Variants in DCLK1 observed in about 807,000 individuals in gnomAD.
The protein encoded by DCLK1 is serine/threonine-protein kinase DCLK1.
A neutral mutation model predicts 86.2 loss-of-function variants in DCLK1; 16 were observed. The ratio of observed to expected loss-of-function variants is 0.19; its 90% CI spans 0.13 to 0.28. DCLK1 has a LOEUF of 0.28. Ranked by LOEUF, DCLK1 falls within the 10% of genes least tolerant of loss-of-function variation. The pLI is 1.00. For missense variants in DCLK1, 590 were observed against 940.2 expected, an observed-to-expected ratio of 0.63 and a Z score of 4.87; for synonymous variants, 369 against 370.5, an observed-to-expected ratio of 1.00 and a Z score of 0.05.
At chr13:35,952,135 G>C (rs895535102) in intron 3 of DCLK1, among the ~76,000 whole-genome samples, 2 of 152,004 alleles carry the variant, frequency 1.3e-5, no homozygotes, top group African/African-American at 4.8e-5. Context: ...TAGCCCAAAT[G>C]TATTTTTACT....
rs60440999 is a variant in DCLK1 at position 35,911,127 on chromosome 13, C to CAAAA, written c.823+36227_823+36230dup. ...TGAAACCCCATCTCTACTAAAAATA[C>CAAAA]AAAAAAAAAAAAAAAAACTAGCCAG... On this transcript the variant is annotated intron_variant, in intron 4 of 16. Transcript: ENST00000360631. Among the ~76,000 whole-genome samples, 13 of 122,196 alleles carry CAAAA rather than the reference C, an allele frequency of 1.1e-4. No individual in the cohort carries two copies. The South Asian group carries it at 1.1e-3, about 11-fold the overall frequency. The allele number at this position is 122,196 out of a possible 152,430, so 80.2% of individuals were successfully genotyped here. A position where few individuals can be genotyped will look rare whatever the true frequency, so the allele number is the denominator to read the frequency against.
intron 16 of DCLK1, among the ~76,000 whole-genome samples, chr13:35,790,654 C>T (rs7331873): frequency 0.11 from 16,480 of 152,080 alleles, 1,575 homozygotes; most frequent in African/African-American, 0.25. Context: ...GAAGTCATCA[C>T]TGTATTATAT....
intron 3 of DCLK1, among the ~76,000 whole-genome samples, chr13:36,053,634 T>C (rs571194697): frequency 8.6e-5 from 13 of 151,360 alleles, no homozygotes; most frequent in African/African-American, 3.1e-4. Context: ...ACGATATATA[T>C]ATATATAAAT....
intron 3 of DCLK1, among the ~76,000 whole-genome samples, chr13:35,948,422 C>A (rs1877497775): frequency 6.6e-6 from 1 of 152,156 alleles, no homozygotes; most frequent in African/African-American, 2.4e-5. Context: ...AGACAAGCCT[C>A]TCTGGAGTGC....
intron 5 of DCLK1, among the ~76,000 whole-genome samples, chr13:35,858,155 G>A (rs1330638391): frequency 1.3e-5 from 2 of 152,144 alleles, no homozygotes; most frequent in African/African-American, 4.8e-5. Flanking sequence ...AGGTAGGAGA[G>A]AGTGGGGCAC....
At chr13:36,028,089 TGATGTTTTAGAA>T (rs1438359764) in intron 3 of DCLK1, among the ~76,000 whole-genome samples, 1 of 152,184 alleles carries the variant, frequency 6.6e-6, no homozygotes, top group East Asian at 1.9e-4. Context: ...TTAATCAAGT[TGATGTTTTAGAA>T]GACTTGCTTT....
intron 3 of DCLK1, among the ~76,000 whole-genome samples, chr13:35,975,516 C>T (rs1879288417): frequency 6.6e-6 from 1 of 152,148 alleles, no homozygotes; most frequent in South Asian, 2.1e-4. Flanking sequence ...CCACCAGCTC[C>T]AAGGTGAGAT....
intron 3 of DCLK1, among the ~76,000 whole-genome samples, chr13:35,990,482 A>G (rs1489341740): frequency 2.0e-5 from 3 of 151,854 alleles, no homozygotes; most frequent in African/African-American, 7.3e-5. Flanking sequence ...CTTCAGTTAC[A>G]AGGCTCCCAG....
At chr13:36,056,476 G>T (rs929244079) in intron 3 of DCLK1, among the ~76,000 whole-genome samples, 1 of 103,498 alleles carries the variant, frequency 9.7e-6, no homozygotes, top group African/African-American at 3.7e-5. Context: ...TGGGGAGGGG[G>T]GAGGGGGGAG....
intron 3 of DCLK1, among the ~76,000 whole-genome samples, chr13:35,958,531 A>G (rs541786732): frequency 1.1e-4 from 16 of 151,846 alleles, no homozygotes; most frequent in African/African-American, 3.9e-4. Flanking sequence ...CAGCAGTATA[A>G]CTACCAATAC....
intron 4 of DCLK1, among the ~76,000 whole-genome samples, 176 bp downstream of exon 4, chr13:35,947,180 ATC>A (rs773080690): frequency 1.3e-5 from 2 of 152,098 alleles, no homozygotes; most frequent in Non-Finnish European, 2.9e-5. Flanking sequence ...TTCTCATTTC[ATC>A]TGTTTTCCAT....
intron 4 of DCLK1, among the ~76,000 whole-genome samples, chr13:35,873,838 T>C (rs1315534298): frequency 6.6e-6 from 1 of 152,246 alleles, no homozygotes; most frequent in Non-Finnish European, 1.5e-5. Context: ...AGTAAAGTTG[T>C]ACATTTTTCC....
intron 4 of DCLK1, among the ~76,000 whole-genome samples, chr13:35,921,862 T>C (rs1438637662): frequency 6.6e-6 from 1 of 152,056 alleles, no homozygotes; most frequent in Non-Finnish European, 1.5e-5. Flanking sequence ...AGAGATAAAG[T>C]TGCCACCCCA....
intron 4 of DCLK1, among the ~76,000 whole-genome samples, chr13:35,928,199 G>A (rs1876233088): frequency 6.6e-6 from 1 of 152,202 alleles, no homozygotes; most frequent in African/African-American, 2.4e-5. Context: ...CTAAATCTAT[G>A]GCTGGTCCTG....
intron 3 of DCLK1, among the ~76,000 whole-genome samples, chr13:35,955,626 C>T (rs1877937374): frequency 6.6e-6 from 1 of 152,122 alleles, no homozygotes. Context: ...AAATATTGAC[C>T]AGGTGCCTTG....
chr13:35,962,166 C>A (rs1010186167), intron 3 of DCLK1, among the ~76,000 whole-genome samples: 2 of 152,012 alleles, frequency 1.3e-5, no homozygotes, highest in Non-Finnish European at 2.9e-5. Context: ...TTGAACTGTG[C>A]CCCCCAAAAC....
chr13:35,855,941 G>GCTT, intron 5 of DCLK1: 1 of 804,436 alleles, frequency 1.2e-6, no homozygotes, highest in Non-Finnish European at 1.5e-6. Context: ...TGACTACCAG[G>GCTT]TAATCAGGAA....
intron 3 of DCLK1, among the ~76,000 whole-genome samples, chr13:36,023,901 CTTTTTTT>C: frequency 7.8e-6 from 1 of 128,504 alleles, no homozygotes; most frequent in South Asian, 2.5e-4. Context: ...TTCTTTCTTT[CTTTTTTT>C]TTTTTTTTTG....
At chr13:35,930,327 G>A (rs1876359093) in intron 4 of DCLK1, among the ~76,000 whole-genome samples, 1 of 152,226 alleles carries the variant, frequency 6.6e-6, no homozygotes, top group South Asian at 2.1e-4. Flanking sequence ...ATGCCCTGTG[G>A]ACCCACACTG....
Sources: gnomAD v4.1 joint callset for allele counts (sites outside exome capture counted in the v4.1 genomes callset) on GRCh38, gnomAD v4.1.1 for gene constraint, MANE v1.5 for transcripts, NCBI Gene and HGNC (gene_info 2026-07-23, HGNC 2026-07-21) for gene names.